The following AVIL variants were observed in gnomAD, a reference collection of about 807,000 sequenced individuals.
The protein encoded by AVIL is advillin.
Under a neutral mutation model 109.9 loss-of-function variants are expected in AVIL, and 78 were observed. The ratio of observed to expected loss-of-function variants is 0.71; its 90% CI spans 0.59 to 0.86. The LOEUF is 0.86. Ranked by LOEUF, AVIL falls within the 40% of genes least tolerant of loss-of-function variation. The pLI is 0.00. For synonymous variants in AVIL, 367 were observed against 379.1 expected (o/e 0.97, Z 0.37); for missense variants, 892 against 1,016.5 (o/e 0.88, Z 1.67).
chr12:57,813,005 C>T (rs925201464), intron 4 of AVIL, among the ~76,000 whole-genome samples: 1 of 152,194 alleles, frequency 6.6e-6, no homozygotes, highest in Non-Finnish European at 1.5e-5. Context: ...CTGCGCTAGT[C>T]CACACTTCCA....
chr12:57,806,255 A>G lies in AVIL; in HGVS notation c.1671+105T>C, dbSNP rs540204536. On this transcript the variant is annotated intron_variant, in intron 14 of 19. Transcript: ENST00000549994. The stretch of plus-strand genomic sequence containing the variant: ...GTTTTAGTATATGTGCTGCCAAAGC[A>G]AGCACTCCAGCCTACTCTAGGTCCT... The G allele has an allele frequency of 2.3e-6, 3 of 1,302,476 alleles. No homozygotes were observed. The African/African-American group carries it at 4.4e-5, about 19-fold the overall frequency. 80.7% of individuals were successfully genotyped at this position (1,302,476 alleles called of 1,614,324 possible).
At position 57,816,004 on chromosome 12, in the gene AVIL, C is replaced by T. The variant is rs372626065; in HGVS notation, c.37G>A (p.Asp13Asn). 28 of 1,614,056 alleles carry T rather than the reference C, an allele frequency of 1.7e-5. No individual in the cohort carries two copies. In the East Asian group the frequency reaches 3.6e-4, roughly 21 times the overall value. Residue 13 changes from aspartate (D) to asparagine (N), a missense_variant, in exon 2 of 20, where the codon GAC becomes AAC. By Grantham distance (23) the Asp-to-Asn change is conservative (BLOSUM62 1). Transcript: ENST00000549994. ...ATTCTCCAGACAATGATCCCAGGGT[C>T]GTTGTCCACAGCCCTGAAGGCACTG... ...LTSAFRAVDN[D>N]PGIIVWRIEK...
In AVIL at chr12:57,808,617, A is replaced by G. The variant is rs777356578; in HGVS notation, c.940-69T>C. 13 of 1,558,572 alleles carry G rather than the reference A, an allele frequency of 8.3e-6. No homozygotes were observed. In the Admixed American group the frequency reaches 1.3e-4, roughly 16 times the overall value. On this transcript the variant is annotated intron_variant, in intron 9 of 19. Transcript: ENST00000549994. ...CACTGAGTTCTTTGCTTGTCTGGTA[A>G]TTCACCTCTATGAAGCCACATGATA...
intron 9 of AVIL, chr12:57,808,773 G>T: frequency 3.7e-6 from 2 of 533,764 alleles, no homozygotes; most frequent in Non-Finnish European, 6.6e-6. Flanking sequence ...CGGTGATTAT[G>T]GTTGTTAATT....
chr12:57,808,494 C>A lies in AVIL; in HGVS notation c.994G>T (p.Asp332Tyr), dbSNP rs147666040. The change falls in exon 10 of 20, where the codon GAT (aspartate) becomes TAT (tyrosine). Residue 332 changes from aspartate (D) to tyrosine (Y), a missense_variant. Asp to Tyr is a radical substitution (Grantham distance 160). Coordinates refer to ENST00000549994, the MANE Select transcript of AVIL (RefSeq NM_006576.4). ...PSSTNVETVN[D>Y]GAESAMFKQL... is the part of the protein sequence containing the mutation. ...TTGAACATGGCCGACTCAGCACCAT[C>A]GTTGACGGTCTCCACATTGGTGCTG... 1 of 1,614,056 alleles carries A rather than the reference C, an allele frequency of 6.2e-7. No homozygotes were observed. Among genetic ancestry groups the A allele is most frequent in the Non-Finnish European group, 8.5e-7 (1 of 1,180,048 alleles).
chr12:57,816,206 G>A (rs1327192042), intron 1 of AVIL, 147 bp from the exon 2 acceptor site: 4 of 650,288 alleles, frequency 6.2e-6, no homozygotes, highest in Non-Finnish European at 1.0e-5. Context: ...CACAATGATG[G>A]GGGCAAGGAC....
intron 14 of AVIL, 159 bp from the exon 15 acceptor site, chr12:57,803,828 G>C: frequency 1.0e-6 from 1 of 1,004,232 alleles, no homozygotes; most frequent in Non-Finnish European, 1.4e-6. Context: ...TAGTGCTGGG[G>C]AGTGGGGAGG....
intron 9 of AVIL, 165 bp from the exon 10 acceptor site, chr12:57,808,713 TAA>T: frequency 7.4e-6 from 5 of 671,560 alleles, no homozygotes; most frequent in South Asian, 2.4e-5. Context: ...GGTACCTGCC[TAA>T]AAAAAAAATG....
In AVIL at chr12:57,802,180, A is replaced by C. The variant is rs1422462826; in HGVS notation, c.2131T>G (p.Trp711Gly). 1 of 1,613,970 alleles carries C rather than the reference A, an allele frequency of 6.2e-7. No individual in the cohort carries two copies. Among genetic ancestry groups the C allele is most frequent in the Admixed American group, 1.7e-5 (1 of 60,004 alleles). The change falls in exon 17 of 20, where the codon TGG becomes GGG. Residue 711 changes from tryptophan (W) to glycine (G), a missense_variant. Coordinates refer to ENST00000549994, the MANE Select transcript of AVIL (RefSeq NM_006576.4). ...PPIFTGWFLA[W>G]DPNIWSAGKT... ...CTTACACTCCAAATGTTAGGGTCCC[A>C]GGCTAGGAACCAGCCTGTGAAGATG... is the stretch of plus-strand genomic sequence containing the variant.
In AVIL at chr12:57,806,132, GCT is replaced by G. The variant is rs1491265375; in HGVS notation, c.1671+226_1671+227del. 4 of 295,658 alleles carry G rather than the reference GCT, an allele frequency of 1.4e-5. No individual in the cohort carries two copies. The Admixed American group carries it at 3.2e-4, about 24-fold the overall frequency. The allele number at this position is 295,658 out of a possible 1,614,324, so 18.3% of individuals were successfully genotyped here. ...TTACAGGGATGAGCCACCGTGCCCA[GCT>G]TTTTTTTTTTTTTTTTTTTTTTAAT... On this transcript the variant is annotated intron_variant, in intron 14 of 19. Coordinates refer to ENST00000549994, the MANE Select transcript of AVIL (RefSeq NM_006576.4).
rs1170472454 is a variant in AVIL at position 57,797,606 on chromosome 12, TG to T, written c.*275del. 5 of 931,772 alleles carry T rather than the reference TG, an allele frequency of 5.4e-6. No individual in the cohort carries two copies. The highest frequency in any genetic ancestry group is 6.5e-6 in the Non-Finnish European group (5 of 771,248). The allele number at this position is 931,772 out of a possible 1,614,324, so 57.7% of individuals were successfully genotyped here. A position where few individuals can be genotyped will look rare whatever the true frequency, so the allele number is the denominator to read the frequency against. On this transcript the variant is annotated 3_prime_UTR_variant, in exon 20 of 20. Transcript: ENST00000549994. ...CATTGTTTTTTGGTTCTCTTTCTTT[TG>T]ATTTCTCCAGATTTATGCAGTTTTA...
At chr12:57,802,557 C>T in intron 16 of AVIL, 2 of 741,072 alleles carry the variant, frequency 2.7e-6, no homozygotes, top group Non-Finnish European at 2.4e-6. Context: ...TCTTCCAGGT[C>T]TGCCTTTCCA....
intron 18 of AVIL, 72 bp from the exon 19 acceptor site, chr12:57,799,992 TATA>T (rs1955814865): frequency 1.3e-6 from 2 of 1,562,670 alleles, no homozygotes. Context: ...TCTGAATGTG[TATA>T]ATATTTAACA....
Position 57,810,912 on chromosome 12 carries a change from C to T in AVIL, c.462G>A (p.Trp154Ter), listed in dbSNP as rs774154424. ...NIRATEVEMS[W>*]DSFNRGDVFL... ...AGACATCACCTCGGTTGAAACTGTC[C>T]CAGCTCATTTCCACCTGTCGATGAG... The change falls in exon 6 of 20, where the codon TGG (tryptophan) becomes TGA (stop). Residue 154 changes from tryptophan (W) to a stop codon, truncating the protein, a stop_gained. Transcript: ENST00000549994. LOFTEE classifies it high-confidence loss of function. The T allele has an allele frequency of 6.2e-7, 1 of 1,614,030 alleles. No homozygotes were observed.
Position 57,807,667 on chromosome 12 carries a change from A to G in AVIL, c.1255T>C (p.Tyr419His). 6.2e-7 allele frequency: 1 copy of G among 1,614,078 alleles called. No individual in the cohort carries two copies. Among genetic ancestry groups the G allele is most frequent in the Non-Finnish European group, 8.5e-7 (1 of 1,180,018 alleles). ...AGGACCAGATAACAGTCTCCCCCAT[A>G]AAAGAAGCCATACCATTGATACTCC... is the stretch of plus-strand genomic sequence containing the variant. ...PVEYQWYGFFYGGDCYLVLYT... is the reference protein window; with the variant it reads ...PVEYQWYGFFHGGDCYLVLYT... Residue 419 changes from tyrosine to histidine, a missense_variant, in exon 12 of 20, where the codon TAT (tyrosine) becomes CAT (histidine). Coordinates refer to ENST00000549994, the MANE Select transcript of AVIL (RefSeq NM_006576.4).
chr12:57,813,347 C>T lies in AVIL; in HGVS notation c.218G>A (p.Ser73Asn), dbSNP rs1161338885. ...CTGTGTGGTATATATGGCTGCGCAG[C>T]TTTGCTCATCCTGGGAGGAGTCCTT... ...IGKDSSQDEQSCAAIYTTQLD... is the reference protein window; with the variant it reads ...IGKDSSQDEQNCAAIYTTQLD... Residue 73 changes from serine to asparagine, a missense_variant, in exon 4 of 20, where the codon AGC (serine) becomes AAC (asparagine). Transcript: ENST00000549994. 6.2e-7 allele frequency: 1 copy of T among 1,614,154 alleles called. No individual in the cohort carries two copies. Among genetic ancestry groups the T allele is most frequent in the East Asian group, 2.2e-5 (1 of 44,878 alleles).
At position 57,810,926 on chromosome 12, in the gene AVIL, C is replaced by T. The variant is rs1956028997; in HGVS notation, c.448G>A (p.Val150Met). Residue 150 changes from valine to methionine, a missense_variant and splice_region_variant, in exon 6 of 20, where the codon GTG (valine) becomes ATG (methionine). By Grantham distance (21) the Val-to-Met change is conservative (BLOSUM62 1). Transcript: ENST00000549994. ...KGKRNIRATE[V>M]EMSWDSFNRG... is the part of the protein sequence containing the mutation. Reference sequence around the variant, plus strand: ...TTGAAACTGTCCCAGCTCATTTCCACCTGTCGATGAGAGGTAAACATTGTT... The same window carrying T: ...TTGAAACTGTCCCAGCTCATTTCCATCTGTCGATGAGAGGTAAACATTGTT... 6.2e-7 allele frequency: 1 copy of T among 1,614,200 alleles called. No individual in the cohort carries two copies. The highest frequency in any genetic ancestry group is 1.3e-5 in the African/African-American group (1 of 75,046).
At chr12:57,809,928 T>C in intron 7 of AVIL, 38 bp from the exon 8 acceptor site, 1 of 1,600,880 alleles carries the variant, frequency 6.2e-7, no homozygotes, top group Non-Finnish European at 8.6e-7. Context: ...CCTTTTCCTC[T>C]ATAAAGCATC....
rs759111866 is a variant in AVIL, at chr12:57,810,361, A to G, written c.749T>C (p.Ile250Thr). 16 of 1,614,182 alleles carry G rather than the reference A, an allele frequency of 9.9e-6. No homozygotes were observed. The highest frequency in any genetic ancestry group is 6.7e-5 in the East Asian group (3 of 44,880). ...TTGAGCTACTCACTGATACAACATG[A>G]TAGTTGATTTCTGCTTCTGATCTAT... is the stretch of plus-strand genomic sequence containing the variant. ...EIIDQKQKST[I>T]MLYHISDSAG... Residue 250 changes from isoleucine to threonine, a missense_variant, in exon 7 of 20, where the codon ATC becomes ACC. By Grantham distance (89) the Ile-to-Thr change is moderately conservative. Transcript: ENST00000549994.
Sources: gnomAD v4.1 joint callset for allele counts (sites outside exome capture counted in the v4.1 genomes callset) on GRCh38, gnomAD v4.1.1 for gene constraint, MANE v1.5 for transcripts, NCBI Gene and HGNC (gene_info 2026-07-23, HGNC 2026-07-21) for gene names.